Variants in OCA2 observed in about 807,000 individuals in gnomAD.
OCA2 encodes the protein OCA2 melanosomal transmembrane protein, also known as P protein.
OCA2 carries 77 observed loss-of-function variants against 100.2 expected under a neutral mutation model. That is an observed-to-expected ratio of 0.77 (90% confidence interval 0.64 to 0.93). OCA2 has a LOEUF of 0.93. Among genes scored for constraint, OCA2 ranks in the 40% least tolerant of loss-of-function variants. The pLI, the probability that OCA2 is intolerant of heterozygous loss-of-function variation, is 0.00. For synonymous variants in OCA2, 432 were observed against 439.2 expected, an observed-to-expected ratio of 0.98 and a Z score of 0.21; for missense variants, 1,062 against 1,089.1, an observed-to-expected ratio of 0.98 and a Z score of 0.35.
chr15:27,937,445 T>C (rs1357754330), intron 18 of OCA2, among the ~76,000 whole-genome samples: 1 of 152,246 alleles, frequency 6.6e-6, no homozygotes, highest in Non-Finnish European at 1.5e-5. Context: ...AAGCAGAAGA[T>C]ATACATTGTT....
intron 23 of OCA2, among the ~76,000 whole-genome samples, chr15:27,843,232 C>T (rs1258668709): frequency 6.6e-6 from 1 of 152,134 alleles, no homozygotes; most frequent in Non-Finnish European, 1.5e-5. Context: ...GAACGACGGC[C>T]TTCCAGGGCT....
intron 18 of OCA2, among the ~76,000 whole-genome samples, chr15:27,936,408 A>T (rs562875288): frequency 1.3e-5 from 2 of 152,202 alleles, no homozygotes; most frequent in Non-Finnish European, 2.9e-5. Context: ...TTACTCAATT[A>T]TCATGTAGAC....
At chr15:27,725,270 C>T in the OCA2 span, among the ~76,000 whole-genome samples, 5 of 152,250 alleles carry the variant, frequency 3.3e-5, no homozygotes, top group African/African-American at 9.6e-5. Context: ...AGGACATAGA[C>T]TGTAGGCCAA....
At chr15:27,832,014 T>C (rs4778190) in intron 23 of OCA2, among the ~76,000 whole-genome samples, 113,396 of 150,914 alleles carry the variant, frequency 0.75, 44,007 homozygotes, top group East Asian at 1. Flanking sequence ...CACCACCCCC[T>C]GCTCCGTCAG....
In OCA2 at chr15:27,989,166, A is replaced by G. The variant is rs149779037; in HGVS notation, c.1182+435T>C. On this transcript the variant is annotated intron_variant, in intron 11 of 23. Coordinates refer to ENST00000354638, the MANE Select transcript of OCA2 (RefSeq NM_000275.3). ...AGATCCTGCAGGTGGACTTGGTGGCATTCCTCACAGCAGAGTGGCCACTGG... is the reference window on the plus strand; with the variant it reads ...AGATCCTGCAGGTGGACTTGGTGGCGTTCCTCACAGCAGAGTGGCCACTGG... 1.3e-4 allele frequency among the ~76,000 whole-genome samples: 20 copies of G among 152,256 alleles called. No individual in the cohort carries two copies. In the East Asian group the frequency reaches 2.7e-3, roughly 21 times the overall value.
At chr15:27,739,492 C>G in the OCA2 span, among the ~76,000 whole-genome samples, 3 of 133,096 alleles carry the variant, frequency 2.3e-5, no homozygotes, top group African/African-American at 8.9e-5. Flanking sequence ...GTCACCCAGG[C>G]TGGAGTGCAG....
chr15:27,845,893 G>A (rs887200129), intron 22 of OCA2, among the ~76,000 whole-genome samples: 3 of 152,174 alleles, frequency 2.0e-5, no homozygotes, highest in African/African-American at 7.2e-5. Context: ...GCATGTCAGT[G>A]TGAGGGAGCA....
chr15:27,738,853 A>G, the OCA2 span, among the ~76,000 whole-genome samples: 1 of 151,688 alleles, frequency 6.6e-6, no homozygotes, highest in Non-Finnish European at 1.5e-5. Context: ...AATATTTATA[A>G]TTTCCTTTAT....
intron 23 of OCA2, among the ~76,000 whole-genome samples, chr15:27,767,052 C>A (rs531389581): frequency 6.6e-6 from 1 of 151,950 alleles, no homozygotes; most frequent in African/African-American, 2.4e-5. Context: ...AGTTGGGCTA[C>A]ATGGCTTCTC....
At chr15:27,948,209 G>T (rs1295510981) in intron 18 of OCA2, among the ~76,000 whole-genome samples, 1 of 152,156 alleles carries the variant, frequency 6.6e-6, no homozygotes, top group Non-Finnish European at 1.5e-5. Flanking sequence ...ACTCCAGGGG[G>T]ATTCTCATTG....
intron 9 of OCA2, among the ~76,000 whole-genome samples, chr15:27,993,934 G>A (rs2041638273): frequency 6.6e-6 from 1 of 152,122 alleles, no homozygotes; most frequent in South Asian, 2.1e-4. Context: ...AAGAAGATGA[G>A]TTCATTACTT....
At chr15:27,780,962 A>G (rs568440148) in intron 23 of OCA2, among the ~76,000 whole-genome samples, 20 of 152,370 alleles carry the variant, frequency 1.3e-4, no homozygotes, top group African/African-American at 4.3e-4. Flanking sequence ...CTGACATTAT[A>G]TAAAAGTACC....
rs115054608 is a variant in OCA2 at position 27,912,158 on chromosome 15, A to C, written c.2079+13969T>G. Among the ~76,000 whole-genome samples, 492 of 152,330 alleles carry C rather than the reference A, an allele frequency of 3.2e-3. 2 individuals are homozygous for C. The highest frequency in any genetic ancestry group is 0.011 in the African/African-American group (475 of 41,570). On this transcript the variant is annotated intron_variant, in intron 19 of 23. Coordinates refer to ENST00000354638, the MANE Select transcript of OCA2 (RefSeq NM_000275.3). ...TTTTAAACACATAGACGAGTAAATT[A>C]ATATATAGATACAGATATGGATGTG...
chr15:27,870,017 A>G (rs1219978333), intron 21 of OCA2, among the ~76,000 whole-genome samples: 3 of 152,220 alleles, frequency 2.0e-5, no homozygotes, highest in Admixed American at 2.0e-4. Flanking sequence ...ACAGCCAAGC[A>G]ACTAGAGGGC....
intron 23 of OCA2, among the ~76,000 whole-genome samples, chr15:27,771,450 G>A (rs890193160): frequency 7.3e-5 from 11 of 151,186 alleles, no homozygotes; most frequent in South Asian, 2.1e-4. Flanking sequence ...CGTGTGCTCC[G>A]CAGAGGCGTG....
chr15:27,867,429 C>T (rs1277811341), intron 21 of OCA2, among the ~76,000 whole-genome samples: 1 of 152,090 alleles, frequency 6.6e-6, no homozygotes, highest in Non-Finnish European at 1.5e-5. Flanking sequence ...AGATAATCTG[C>T]TTTGAATTTT....
chr15:27,996,571 T>C (rs2041734277), intron 9 of OCA2, among the ~76,000 whole-genome samples: 1 of 144,034 alleles, frequency 6.9e-6, no homozygotes, highest in Admixed American at 7.1e-5. Context: ...ACAAAATTGA[T>C]GGAACTTTAT....
At chr15:27,775,063 CGTGTGTGTGTGTGTGTGTGTGT>C (rs66465683) in intron 23 of OCA2, among the ~76,000 whole-genome samples, 2 of 142,938 alleles carry the variant, frequency 1.4e-5, no homozygotes, top group South Asian at 2.3e-4. Context: ...TTTTAGAACT[CGTGTGTGTGTGTGTGTGTGTGT>C]GTGTGTGTGT....
chr15:27,837,445 T>A (rs1045669944), intron 23 of OCA2, among the ~76,000 whole-genome samples: 20 of 152,218 alleles, frequency 1.3e-4, no homozygotes, highest in African/African-American at 4.3e-4. Flanking sequence ...GAGAGCACCA[T>A]AAACTCCACA....
Sources: gnomAD v4.1 joint callset for allele counts (sites outside exome capture counted in the v4.1 genomes callset) on GRCh38, gnomAD v4.1.1 for gene constraint, MANE v1.5 for transcripts, NCBI Gene and HGNC (gene_info 2026-07-23, HGNC 2026-07-21) for gene names.